The following CLDN16 variants were observed in gnomAD, a reference collection of about 807,000 sequenced individuals.
CLDN16 encodes claudin-16.
A neutral mutation model predicts 24.6 loss-of-function variants in CLDN16; 13 were observed. That is an observed-to-expected ratio of 0.53 (90% CI 0.34 to 0.84). The LOEUF (loss-of-function observed/expected upper bound fraction) is 0.84, where lower values mean the gene tolerates loss of function less well. Among genes scored for constraint, CLDN16 ranks in the 40% least tolerant of loss-of-function variants. CLDN16 has a pLI of 0.01. For missense variants in CLDN16, 298 were observed against 292.7 expected, an observed-to-expected ratio of 1.02 and a Z score of -0.13; for synonymous variants, 116 against 106.7, an observed-to-expected ratio of 1.09 and a Z score of -0.54.
At chr3:190,389,665 AAGTGAGCCC>A (rs1194471223) in intron 1 of CLDN16, among the ~76,000 whole-genome samples, 2 of 133,266 alleles carry the variant, frequency 1.5e-5, no homozygotes, top group East Asian at 4.4e-4. Flanking sequence ...TGTCTGCTAT[AAGTGAGCCC>A]AGTGATGCAT....
chr3:190,408,187 C>G (rs139281327), intron 3 of CLDN16, 127 bp from the exon 4 acceptor site: 2 of 914,416 alleles, frequency 2.2e-6, no homozygotes, highest in Non-Finnish European at 3.7e-6. Context: ...TCGGGTTGCC[C>G]ATGAATCCAT....
chr3:190,409,877 C>T lies in CLDN16; in HGVS notation c.575-26C>T, dbSNP rs1234414733. 3.7e-6 allele frequency: 6 copies of T among 1,610,468 alleles called. No individual in the cohort carries two copies. In the Admixed American group the frequency reaches 8.3e-5, roughly 22 times the overall value. Reference sequence around the variant, plus strand: ...ATTTTCCCAAGTTCACTGAGTTCTACTTATTTTTATATTTCTTTCAAACAG... The same window carrying T: ...ATTTTCCCAAGTTCACTGAGTTCTATTTATTTTTATATTTCTTTCAAACAG... On this transcript the variant is annotated intron_variant, in intron 4 of 4. Transcript: ENST00000264734.
chr3:190,409,831 C>A, intron 4 of CLDN16, 72 bp from the exon 5 acceptor site: 1 of 1,376,730 alleles, frequency 7.3e-7, no homozygotes, highest in Non-Finnish European at 1.0e-6. Context: ...TGAGGAAGAA[C>A]ATATAAAATG....
chr3:190,295,489 G>A, the CLDN16 span, among the ~76,000 whole-genome samples: 2 of 152,198 alleles, frequency 1.3e-5, no homozygotes, highest in East Asian at 1.9e-4. Flanking sequence ...GACTTAAAAC[G>A]ATTAAACAGC....
intron 3 of CLDN16, among the ~76,000 whole-genome samples, chr3:190,379,977 C>CTATT (rs1560091385): frequency 2.0e-5 from 3 of 150,582 alleles, no homozygotes; most frequent in Non-Finnish European, 4.4e-5. Context: ...TCAACTCTGT[C>CTATT]TATCTATCTA....
the CLDN16 span, among the ~76,000 whole-genome samples, chr3:190,295,035 C>T: frequency 2.2e-4 from 33 of 151,908 alleles, 1 homozygote; most frequent in East Asian, 4.6e-3. Flanking sequence ...TCTCAGGGCT[C>T]GAAATTATAA....
the CLDN16 span, chr3:190,308,106 C>T: frequency 4.1e-6 from 3 of 732,378 alleles, no homozygotes. Context: ...AAGATTAAGC[C>T]ATGTTTAGCA....
chr3:190,388,437 T>C lies in CLDN16; in HGVS notation c.108T>C (p.Ser36=), dbSNP rs765304853. The C allele has an allele frequency of 3.7e-6, 6 of 1,614,028 alleles. No homozygotes were observed. The highest frequency in any genetic ancestry group is 5.1e-6 in the Non-Finnish European group (6 of 1,179,936). The change falls in exon 1 of 5, where the codon TCT becomes TCC. Residue 36 remains serine, a synonymous_variant. Coordinates refer to ENST00000264734, the MANE Select transcript of CLDN16 (RefSeq NM_006580.4). ...GTTGGATGGTGAATGCTGATGACTC[T>C]CTGGAGGTAAGAAGATAGCAGCTTC... is the stretch of plus-strand genomic sequence containing the variant. ...TDCWMVNADD[S]LEVSTKCRGL...
intron 1 of CLDN16, among the ~76,000 whole-genome samples, chr3:190,400,793 C>A (rs1285515799): frequency 1.3e-5 from 2 of 152,070 alleles, no homozygotes; most frequent in African/African-American, 4.8e-5. Context: ...GAGGTGCGCA[C>A]ATACTGATTT....
chr3:190,310,304 T>A, the CLDN16 span: 2 of 1,396,996 alleles, frequency 1.4e-6, no homozygotes, highest in African/African-American at 2.8e-5. Flanking sequence ...ACACTGAGCC[T>A]AAATACACAA....
the CLDN16 span, among the ~76,000 whole-genome samples, chr3:190,304,870 G>C: frequency 6.6e-6 from 1 of 152,178 alleles, no homozygotes; most frequent in Admixed American, 6.6e-5. Context: ...TGTTAAACAA[G>C]AGGAGGAAAG....
At chr3:190,344,887 G>A (rs953475753) in intron 1 of CLDN16, among the ~76,000 whole-genome samples, 20 of 152,222 alleles carry the variant, frequency 1.3e-4, no homozygotes, top group Admixed American at 1.2e-3. Context: ...TCAGGTAGCT[G>A]TATTTTCACA....
At chr3:190,401,471 G>T (rs1353073791) in intron 1 of CLDN16, among the ~76,000 whole-genome samples, 1 of 152,180 alleles carries the variant, frequency 6.6e-6, no homozygotes, top group Non-Finnish European at 1.5e-5. Context: ...GGAAACAATT[G>T]TATTAGCTCT....
At chr3:190,320,206 G>A (rs922464669), upstream of CLDN16, among the ~76,000 whole-genome samples, 2 of 152,094 alleles carry the variant, frequency 1.3e-5, no homozygotes, top group African/African-American at 4.8e-5. Flanking sequence ...TTACAACATA[G>A]ATCAATCTGA....
intron 1 of CLDN16, among the ~76,000 whole-genome samples, chr3:190,330,675 G>A (rs750591730): frequency 1.6e-4 from 24 of 152,046 alleles, no homozygotes; most frequent in African/African-American, 4.3e-4. Flanking sequence ...TGTGAGAATC[G>A]GAACAAGTAC....
At chr3:190,334,185 C>T (rs914286212) in intron 1 of CLDN16, among the ~76,000 whole-genome samples, 3 of 152,088 alleles carry the variant, frequency 2.0e-5, no homozygotes, top group Non-Finnish European at 4.4e-5. Context: ...AACTGGAGTA[C>T]AGAGTGATTG....
chr3:190,343,907 C>A (rs752428430), intron 1 of CLDN16, among the ~76,000 whole-genome samples: 2 of 151,946 alleles, frequency 1.3e-5, no homozygotes, highest in Non-Finnish European at 2.9e-5. Context: ...CAAATAGAGA[C>A]TACAGTAAAT....
At chr3:190,368,337 A>G (rs934880666) in intron 1 of CLDN16, among the ~76,000 whole-genome samples, 4 of 151,956 alleles carry the variant, frequency 2.6e-5, no homozygotes, top group Non-Finnish European at 5.9e-5. Flanking sequence ...TCCGCCAACA[A>G]TGATGGAGTA....
intron 1 of CLDN16, among the ~76,000 whole-genome samples, chr3:190,395,833 T>G (rs1718805893): frequency 6.6e-6 from 1 of 152,062 alleles, no homozygotes; most frequent in Admixed American, 6.6e-5. Flanking sequence ...TAACCAACAA[T>G]AAACATTTAC....
Sources: gnomAD v4.1 joint callset for allele counts (sites outside exome capture counted in the v4.1 genomes callset) on GRCh38, gnomAD v4.1.1 for gene constraint, MANE v1.5 for transcripts, NCBI Gene and HGNC (gene_info 2026-07-23, HGNC 2026-07-21) for gene names.